ATF7: variants seen among roughly 807,000 people sequenced by gnomAD.
ATF7 encodes cyclic AMP-dependent transcription factor ATF-7.
Under a neutral mutation model 50.4 loss-of-function variants are expected in ATF7, and 10 were observed. That is an observed-to-expected ratio of 0.20 (90% confidence interval 0.12 to 0.34). The LOEUF (loss-of-function observed/expected upper bound fraction) is 0.34. Among genes scored for constraint, ATF7 ranks in the 10% least tolerant of loss-of-function variants. ATF7 has a pLI of 1.00. For synonymous variants in ATF7, 201 were observed against 226.4 expected (o/e 0.89, Z 1.01); for missense variants, 465 against 613.9 (o/e 0.76, Z 2.56).
chr12:53,529,704 T>TACACACACACACACACACACACAC (rs1310811632), intron 9 of ATF7, among the ~76,000 whole-genome samples: 1 of 73,350 alleles, frequency 1.4e-5, no homozygotes, highest in African/African-American at 4.7e-5. Flanking sequence ...CATATATATA[T>TACACACACACACACACACACACAC]ACACATACAC....
At chr12:53,612,136 C>G (rs1943906811) in intron 1 of ATF7, among the ~76,000 whole-genome samples, 1 of 151,490 alleles carries the variant, frequency 6.6e-6, no homozygotes, top group Non-Finnish European at 1.5e-5. Flanking sequence ...CCACCACACA[C>G]AGCTAATTTT....
chr12:53,508,519 C>T (rs1305054788), downstream of ATF7, among the ~76,000 whole-genome samples: 1 of 150,252 alleles, frequency 6.7e-6, no homozygotes, highest in Non-Finnish European at 1.5e-5. Context: ...GAGATGGCAC[C>T]ACTACACTCC....
At chr12:53,590,024 C>T (rs531945781) in intron 2 of ATF7, among the ~76,000 whole-genome samples, 7 of 152,264 alleles carry the variant, frequency 4.6e-5, no homozygotes, top group African/African-American at 1.7e-4. Flanking sequence ...CTGCCTTGGC[C>T]TCCCAAGGTG....
intron 1 of ATF7, among the ~76,000 whole-genome samples, chr12:53,604,214 C>A (rs66897587): frequency 0.11 from 16,930 of 152,104 alleles, 1,054 homozygotes; most frequent in Admixed American, 0.19. Context: ...AAAAAGCTGT[C>A]CTAGAGGCCA....
intron 2 of ATF7, among the ~76,000 whole-genome samples, chr12:53,582,873 C>T (rs1055519385): frequency 5.9e-5 from 9 of 152,092 alleles, no homozygotes; most frequent in African/African-American, 7.2e-5. Context: ...CGTGAGCCAC[C>T]GCACCTGGCC....
chr12:53,515,839 G>A lies in ATF7; in HGVS notation c.*1298C>T, dbSNP rs1323073939. 2.0e-5 allele frequency: 3 copies of A among 152,366 alleles called. No individual in the cohort carries two copies. Among genetic ancestry groups the A allele is most frequent in the African/African-American group, 7.2e-5 (3 of 41,454 alleles). The allele number at this position is 152,366 out of a possible 1,614,324, so 9.4% of individuals were successfully genotyped here. ...ATGTAAAGAGAAGAGAGAAGAAATG[G>A]GTTGAAGAAACTCTGGAGGACCTGG... is the stretch of plus-strand genomic sequence containing the variant. On this transcript the variant is annotated 3_prime_UTR_variant, in exon 12 of 12. Coordinates refer to ENST00000420353, the MANE Select transcript of ATF7 (RefSeq NM_006856.3).
intron 2 of ATF7, among the ~76,000 whole-genome samples, chr12:53,593,634 T>G (rs753422440): frequency 6.6e-6 from 1 of 152,238 alleles, no homozygotes; most frequent in Non-Finnish European, 1.5e-5. Flanking sequence ...GTAATGGCGC[T>G]TTTACTTGTC....
chr12:53,570,204 CA>C (rs1278706729), intron 2 of ATF7, among the ~76,000 whole-genome samples: 2 of 152,148 alleles, frequency 1.3e-5, no homozygotes, highest in Non-Finnish European at 2.9e-5. Flanking sequence ...AACCCATGTT[CA>C]ATTTTTGATT....
Position 53,533,263 on chromosome 12 carries a change from G to A in ATF7, c.561-4C>T, listed in dbSNP as rs1939013527. The A allele has an allele frequency of 5.0e-6, 8 of 1,600,894 alleles. No homozygotes were observed. The highest frequency in any genetic ancestry group is 6.8e-6 in the Non-Finnish European group (8 of 1,168,090). On this transcript the variant is annotated splice_polypyrimidine_tract_variant and splice_region_variant and intron_variant, in intron 6 of 11. Transcript: ENST00000420353. ...AGGGAGGGAGCCAGTGGGAGACCTA[G>A]AGGAGACATGAAGTGAAATGCTCAT...
chr12:53,607,623 A>G (rs1275637367), intron 1 of ATF7, among the ~76,000 whole-genome samples: 4 of 152,228 alleles, frequency 2.6e-5, no homozygotes, highest in Admixed American at 2.0e-4. Flanking sequence ...AAAACTAAAA[A>G]TATGAGAAAA....
intron 2 of ATF7, among the ~76,000 whole-genome samples, chr12:53,570,736 CGTGTGTGTGT>C (rs57842916): frequency 4.3e-3 from 613 of 143,538 alleles, no homozygotes; most frequent in East Asian, 8.2e-3. Flanking sequence ...CTCCTGTGTG[CGTGTGTGTGT>C]GTGTGTGTGT....
intron 2 of ATF7, among the ~76,000 whole-genome samples, chr12:53,563,416 G>C (rs1941266118): frequency 6.6e-6 from 1 of 151,638 alleles, no homozygotes; most frequent in South Asian, 2.1e-4. Context: ...AAGAGTTTGA[G>C]ACCAGTCTGG....
In ATF7 at chr12:53,523,079, T is replaced by C. The variant is rs1370537339; in HGVS notation, c.1234+197A>G. 5.8e-6 allele frequency: 3 copies of C among 519,576 alleles called. No homozygotes were observed. The East Asian group carries it at 9.4e-5, about 16-fold the overall frequency. 32.2% of individuals were successfully genotyped at this position (519,576 alleles called of 1,614,324 possible). A position where few individuals can be genotyped will look rare whatever the true frequency, so the allele number is the denominator to read the frequency against. Reference sequence around the variant, plus strand: ...ATATTGCTACCCTTCAACCCCCAACTATAACAGATAATTAGCTCTATATCG... The same window carrying C: ...ATATTGCTACCCTTCAACCCCCAACCATAACAGATAATTAGCTCTATATCG... On this transcript the variant is annotated intron_variant, in intron 11 of 11. Transcript: ENST00000420353.
At chr12:53,537,358 TAATG>T (rs1480534486) in intron 5 of ATF7, 53 bp downstream of exon 5, 14 of 1,597,326 alleles carry the variant, frequency 8.8e-6, no homozygotes, top group Non-Finnish European at 6.0e-6. Context: ...TTTATATAAT[TAATG>T]AATCAAAACT....
chr12:53,555,346 G>A (rs1940662102), intron 2 of ATF7, among the ~76,000 whole-genome samples: 1 of 151,496 alleles, frequency 6.6e-6, no homozygotes, highest in Non-Finnish European at 1.5e-5. Context: ...AAAGAGTGAG[G>A]GTTTGGGGGA....
At chr12:53,541,893 C>G (rs2137430989) in intron 4 of ATF7, among the ~76,000 whole-genome samples, 1 of 152,244 alleles carries the variant, frequency 6.6e-6, no homozygotes, top group South Asian at 2.1e-4. Context: ...ATGATCTCAG[C>G]TCACTGCAAC....
chr12:53,558,165 G>A (rs941316821), intron 2 of ATF7, among the ~76,000 whole-genome samples: 3 of 152,172 alleles, frequency 2.0e-5, no homozygotes, highest in Non-Finnish European at 2.9e-5. Context: ...TGTGGCAGTG[G>A]TTCTCAACCA....
intron 1 of ATF7, among the ~76,000 whole-genome samples, chr12:53,620,935 C>G (rs1241876687): frequency 2.0e-5 from 3 of 151,862 alleles, no homozygotes; most frequent in Non-Finnish European, 4.4e-5. Flanking sequence ...CAAGGGAGGT[C>G]GAGTACAGAA....
At chr12:53,520,790 G>A (rs983372082) in intron 11 of ATF7, among the ~76,000 whole-genome samples, 1 of 151,944 alleles carries the variant, frequency 6.6e-6, no homozygotes, top group African/African-American at 2.4e-5. Flanking sequence ...CAGAAACTTT[G>A]GTGTAATTTT....
Sources: allele counts gnomAD v4.1 joint callset (sites outside exome capture counted in the v4.1 genomes callset), GRCh38; gene constraint gnomAD v4.1.1; transcripts MANE v1.5; gene names NCBI Gene and HGNC (gene_info 2026-07-23, HGNC 2026-07-21).